Variants in UBTD1 observed in about 807,000 individuals in gnomAD.
UBTD1 encodes the protein ubiquitin domain-containing protein 1.
In UBTD1, 19 loss-of-function variants were observed where a neutral mutation model predicts 21.7. That is an observed-to-expected ratio of 0.87 (90% CI 0.61 to 1.28). The LOEUF (loss-of-function observed/expected upper bound fraction) is 1.28, where lower values mean the gene tolerates loss of function less well. UBTD1 is among the 50% of genes most tolerant of loss of function. The probability of loss-of-function intolerance (pLI) is 0.00; values close to 1 mark genes in which losing one functional copy is unlikely to be tolerated. For synonymous variants in UBTD1, 116 were observed against 135.1 expected (o/e 0.86, Z 0.98); for missense variants, 282 against 315.1 (o/e 0.89, Z 0.80).
intron 1 of UBTD1, among the ~76,000 whole-genome samples, chr10:97,528,070 CG>C (rs1554865198): frequency 7.4e-6 from 1 of 134,452 alleles, no homozygotes; most frequent in Non-Finnish European, 1.6e-5. Context: ...GCTGGCTGGG[CG>C]GGGGGCTGAC....
At chr10:97,553,864 A>T (rs2040651937) in intron 1 of UBTD1, among the ~76,000 whole-genome samples, 1 of 152,194 alleles carries the variant, frequency 6.6e-6, no homozygotes, top group Admixed American at 6.5e-5. Flanking sequence ...GGGTCACTGC[A>T]TTAATTAGGC....
chr10:97,505,696 T>C (rs1199871302), intron 1 of UBTD1, among the ~76,000 whole-genome samples: 2 of 152,216 alleles, frequency 1.3e-5, no homozygotes, highest in Non-Finnish European at 2.9e-5. Flanking sequence ...TTGATCTCTT[T>C]GAGCCTCAGT....
intron 1 of UBTD1, among the ~76,000 whole-genome samples, chr10:97,515,476 A>G (rs1291052105): frequency 6.6e-6 from 1 of 152,216 alleles, no homozygotes; most frequent in African/African-American, 2.4e-5. Context: ...CCTTGATTGC[A>G]AGTAACAGAA....
rs149162417 is a variant in UBTD1, at chr10:97,552,505, C to T, written c.71-15409C>T. Among the ~76,000 whole-genome samples, 574 of 149,906 alleles carry T rather than the reference C, an allele frequency of 3.8e-3. 2 individuals carry two copies. Among genetic ancestry groups the T allele is most frequent in the Non-Finnish European group, 7.0e-3 (473 of 67,676 alleles). On this transcript the variant is annotated intron_variant, in intron 1 of 2. Coordinates refer to ENST00000370664, the MANE Select transcript of UBTD1 (RefSeq NM_024954.5). ...CCGCCTCCTCAGTTCAAGCAATTCT[C>T]CTGCCTCAAGCTCCCAAGTAGTTGG...
At chr10:97,546,802 C>G (rs2040613124) in intron 1 of UBTD1, among the ~76,000 whole-genome samples, 1 of 152,052 alleles carries the variant, frequency 6.6e-6, no homozygotes, top group Non-Finnish European at 1.5e-5. Flanking sequence ...CATTCAGCTC[C>G]TGATATTTTC....
intron 1 of UBTD1, among the ~76,000 whole-genome samples, chr10:97,536,912 G>A (rs1446645268): frequency 6.6e-6 from 1 of 152,086 alleles, no homozygotes; most frequent in Non-Finnish European, 1.5e-5. Flanking sequence ...GGCACAGGGT[G>A]CAACTGTGAG....
Position 97,568,170 on chromosome 10 carries a change from C to T in UBTD1, c.298+29C>T, listed in dbSNP as rs1289570203. 9.3e-6 allele frequency: 15 copies of T among 1,610,692 alleles called. No individual in the cohort carries two copies. In the South Asian group the frequency reaches 1.5e-4, roughly 17 times the overall value. ...AGTGGGCAGGGCCAGGGCTTTATCC[C>T]CGCTGGAGCTAGGGGGTCACCAGCA... On this transcript the variant is annotated intron_variant, in intron 2 of 2. Transcript: ENST00000370664.
At chr10:97,547,392 C>T (rs2040616097) in intron 1 of UBTD1, among the ~76,000 whole-genome samples, 1 of 152,132 alleles carries the variant, frequency 6.6e-6, no homozygotes. Flanking sequence ...TAGCCACCAT[C>T]CTCCCTCTTC....
Position 97,499,292 on chromosome 10 carries a change from G to A in UBTD1, c.70+19G>A. 6.5e-7 allele frequency: 1 copy of A among 1,546,090 alleles called. No individual in the cohort carries two copies. Among genetic ancestry groups the A allele is most frequent in the Non-Finnish European group, 8.7e-7 (1 of 1,144,458 alleles). Reference sequence around the variant, plus strand: ...CGAGCAGGTAACGATGGGGAAGGGAGCAGGGCCTCGGGCATCCCGCCAGTT... The same window carrying A: ...CGAGCAGGTAACGATGGGGAAGGGAACAGGGCCTCGGGCATCCCGCCAGTT... On this transcript the variant is annotated intron_variant, in intron 1 of 2. Transcript: ENST00000370664.
chr10:97,507,633 G>A (rs1357760404), intron 1 of UBTD1, among the ~76,000 whole-genome samples: 4 of 151,596 alleles, frequency 2.6e-5, no homozygotes, highest in Admixed American at 1.3e-4. Flanking sequence ...AAAATTAGCC[G>A]GGCATGGTGG....
At position 97,570,169 on chromosome 10, in the gene UBTD1, C is replaced by A; in HGVS notation, c.330C>A (p.Gly110=). The A allele has an allele frequency of 6.2e-7, 1 of 1,612,082 alleles. No homozygotes were observed. Among genetic ancestry groups the A allele is most frequent in the Non-Finnish European group, 8.5e-7 (1 of 1,179,232 alleles). ...TCTGTGAATGCTACGATGAGCTGGG[C>A]AATCGCTACCAGCTGCCCATCTACT... ...GTLCECYDEL[G]NRYQLPIYCL... is the part of the protein sequence containing the mutation. Residue 110 remains glycine (G), a synonymous_variant, in exon 3 of 3, where the codon GGC becomes GGA. Transcript: ENST00000370664. This position sits in a 1 kb window ranked among gnomAD's most constrained non-coding sequence, Gnocchi z 6.6.
At chr10:97,540,301 A>T (rs957493301) in intron 1 of UBTD1, among the ~76,000 whole-genome samples, 2 of 152,218 alleles carry the variant, frequency 1.3e-5, no homozygotes, top group African/African-American at 2.4e-5. Context: ...TCATTCATTG[A>T]TTCATCTTAG....
intron 1 of UBTD1, among the ~76,000 whole-genome samples, chr10:97,524,292 G>C (rs935746821): frequency 2.0e-5 from 3 of 151,952 alleles, no homozygotes; most frequent in Non-Finnish European, 2.9e-5. Context: ...GATGCGGGGG[G>C]GTCTCACTAT....
chr10:97,516,192 C>G (rs1039660221), intron 1 of UBTD1, among the ~76,000 whole-genome samples: 1 of 152,196 alleles, frequency 6.6e-6, no homozygotes, highest in Admixed American at 6.5e-5. Flanking sequence ...AGGATTTTGG[C>G]AAGGCAGCCT....
At chr10:97,542,898 C>A (rs2040592913) in intron 1 of UBTD1, among the ~76,000 whole-genome samples, 1 of 152,256 alleles carries the variant, frequency 6.6e-6, no homozygotes, top group Non-Finnish European at 1.5e-5. Flanking sequence ...CCAAAGCAGC[C>A]AGCCAGCTGG....
chr10:97,524,286 C>A (rs11189256), intron 1 of UBTD1, among the ~76,000 whole-genome samples: 1 of 106,316 alleles, frequency 9.4e-6, no homozygotes, highest in Non-Finnish European at 2.3e-5. Flanking sequence ...TGTAGGGATG[C>A]GGGGGGGTCT....
chr10:97,532,372 G>A (rs543662599), intron 1 of UBTD1, among the ~76,000 whole-genome samples: 3 of 152,330 alleles, frequency 2.0e-5, no homozygotes, highest in Admixed American at 6.5e-5. Context: ...TGAGCTGGGC[G>A]CAGTGGCTCA....
At chr10:97,548,734 G>A (rs753914223) in intron 1 of UBTD1, among the ~76,000 whole-genome samples, 51 of 152,310 alleles carry the variant, frequency 3.3e-4, no homozygotes, top group South Asian at 1.2e-3. Context: ...CTGAGATTGC[G>A]TCACTGTACT....
At chr10:97,564,100 T>G (rs2040706670) in intron 1 of UBTD1, among the ~76,000 whole-genome samples, 3 of 151,600 alleles carry the variant, frequency 2.0e-5, no homozygotes, top group Non-Finnish European at 4.4e-5. Flanking sequence ...GGTTGTAGAG[T>G]TTGAGGGGTC....
Sources: allele counts gnomAD v4.1 joint callset (sites outside exome capture counted in the v4.1 genomes callset), GRCh38; gene constraint gnomAD v4.1.1; non-coding constraint Gnocchi (gnomAD v3.1); transcripts MANE v1.5; gene names NCBI Gene and HGNC (gene_info 2026-07-23, HGNC 2026-07-21).